SUGCT: variants seen among roughly 807,000 people sequenced by gnomAD.
The protein encoded by SUGCT is succinyl-CoA:glutarate-CoA transferase.
In SUGCT, 41 loss-of-function variants were observed where a neutral mutation model predicts 55.0. The observed-to-expected ratio is 0.74, with a 90% CI of 0.58 to 0.97. The LOEUF is 0.97. Ranked by LOEUF, SUGCT falls within the 50% of genes least tolerant of loss-of-function variation. The pLI is 0.00. For synonymous variants in SUGCT, 187 were observed against 200.4 expected, an observed-to-expected ratio of 0.93 and a Z score of 0.56; for missense variants, 568 against 547.8, an observed-to-expected ratio of 1.04 and a Z score of -0.37.
chr7:40,675,143 C>T (rs1201829411), intron 12 of SUGCT, among the ~76,000 whole-genome samples: 1 of 151,530 alleles, frequency 6.6e-6, no homozygotes, highest in African/African-American at 2.4e-5. Context: ...TCACTGCAAC[C>T]TCCGCCTCTT....
intron 9 of SUGCT, among the ~76,000 whole-genome samples, chr7:40,386,111 C>T (rs182689096): frequency 8.5e-4 from 130 of 152,262 alleles, no homozygotes; most frequent in Admixed American, 3.9e-3. Context: ...TGTACTAGGA[C>T]ACAGATGCAA....
intron 12 of SUGCT, among the ~76,000 whole-genome samples, chr7:40,506,209 T>G (rs1344095605): frequency 6.6e-6 from 1 of 152,150 alleles, no homozygotes; most frequent in African/African-American, 2.4e-5. Context: ...TTTTCCACGT[T>G]TTTTTGATCT....
chr7:40,245,436 T>TATTA (rs1378144967), intron 7 of SUGCT, among the ~76,000 whole-genome samples: 1 of 75,446 alleles, frequency 1.3e-5, no homozygotes, highest in East Asian at 5.6e-4. Flanking sequence ...TTTTTTTTTT[T>TATTA]TTTTTTTTTT....
At chr7:40,893,783 GGGCATGGT>G in the SUGCT span, among the ~76,000 whole-genome samples, 1 of 152,146 alleles carries the variant, frequency 6.6e-6, no homozygotes, top group South Asian at 2.1e-4. Flanking sequence ...ACAAGAGGCT[GGGCATGGT>G]GGCTTACACC....
At chr7:40,618,937 C>T (rs1360582427) in intron 12 of SUGCT, among the ~76,000 whole-genome samples, 2 of 152,118 alleles carry the variant, frequency 1.3e-5, no homozygotes, top group African/African-American at 4.8e-5. Context: ...GATAGAGGAT[C>T]CTGTTGAACA....
At chr7:40,294,539 G>A (rs1562654185) in intron 8 of SUGCT, among the ~76,000 whole-genome samples, 1 of 152,044 alleles carries the variant, frequency 6.6e-6, no homozygotes. Flanking sequence ...GATGCGTTAT[G>A]ATGATGAAGA....
rs532370212 is a variant in SUGCT at position 40,303,939 on chromosome 7, T to TA, written c.721-12814dup. 3.4e-3 allele frequency among the ~76,000 whole-genome samples: 488 copies of TA among 144,816 alleles called. 1 individual carries two copies. The highest frequency in any genetic ancestry group is 5.8e-3 in the Non-Finnish European group (388 of 66,716). Reference sequence around the variant, plus strand: ...GGCAAAACCCCGTCTCTACTAAAAATAAAAAAATTAGCCAGAAATCGGCTA... The same window carrying TA: ...GGCAAAACCCCGTCTCTACTAAAAATAAAAAAAATTAGCCAGAAATCGGCTA... On this transcript the variant is annotated intron_variant, in intron 8 of 13. Coordinates refer to ENST00000335693, the MANE Select transcript of SUGCT (RefSeq NM_001193313.2).
chr7:40,620,482 A>G (rs1434818953), intron 12 of SUGCT, among the ~76,000 whole-genome samples: 1 of 151,508 alleles, frequency 6.6e-6, no homozygotes, highest in East Asian at 1.9e-4. Flanking sequence ...GCTCACTGCA[A>G]CCTCTGCCTC....
chr7:40,380,377 G>T (rs1784811925), intron 9 of SUGCT, among the ~76,000 whole-genome samples: 1 of 152,168 alleles, frequency 6.6e-6, no homozygotes, highest in South Asian at 2.1e-4. Context: ...TGAAAAAGTT[G>T]TTATTGACTA....
intron 12 of SUGCT, among the ~76,000 whole-genome samples, chr7:40,709,903 T>G (rs1785620718): frequency 6.6e-6 from 1 of 152,186 alleles, no homozygotes; most frequent in South Asian, 2.1e-4. Flanking sequence ...AATTCCCAGG[T>G]GCTGCTGCTG....
At chr7:40,171,254 G>C (rs1390123995) in intron 1 of SUGCT, among the ~76,000 whole-genome samples, 1 of 152,206 alleles carries the variant, frequency 6.6e-6, no homozygotes, top group East Asian at 1.9e-4. Context: ...GAAGAGCAAG[G>C]AGAAAAAGAT....
chr7:40,436,761 T>C (rs1172617943), intron 9 of SUGCT, among the ~76,000 whole-genome samples: 1 of 152,208 alleles, frequency 6.6e-6, no homozygotes, highest in Non-Finnish European at 1.5e-5. Context: ...GAAAAATCAA[T>C]ATGGTCCCTT....
chr7:40,764,212 T>C (rs1315340749), intron 13 of SUGCT, among the ~76,000 whole-genome samples: 2 of 152,234 alleles, frequency 1.3e-5, no homozygotes, highest in African/African-American at 4.8e-5. Flanking sequence ...ACAACTCAAA[T>C]TCCAACCATT....
At chr7:40,146,718 G>A (rs1159098500) in intron 1 of SUGCT, among the ~76,000 whole-genome samples, 1 of 152,214 alleles carries the variant, frequency 6.6e-6, no homozygotes, top group East Asian at 1.9e-4. Flanking sequence ...ACCTTCCAGT[G>A]TGGGCATCAA....
chr7:40,690,557 T>G (rs1302585991), intron 12 of SUGCT, among the ~76,000 whole-genome samples: 3 of 152,188 alleles, frequency 2.0e-5, no homozygotes, highest in African/African-American at 7.2e-5. Flanking sequence ...TATAGAGAGA[T>G]CAATTCATCC....
the SUGCT span, among the ~76,000 whole-genome samples, chr7:40,968,546 C>G: frequency 2.0e-5 from 3 of 152,232 alleles, no homozygotes; most frequent in African/African-American, 2.4e-5. Flanking sequence ...AGTGCCCAAA[C>G]TGTGATCAGC....
Position 40,150,839 on chromosome 7 carries a change from G to A in SUGCT, c.100+15719G>A, listed in dbSNP as rs150075126. On this transcript the variant is annotated intron_variant, in intron 1 of 13. Transcript: ENST00000335693. ...ATGAATCGGCTCTATCTAGACAGTG[G>A]GCAAGGTGAAACCCTTGGGCAGTTA... Among the ~76,000 whole-genome samples, 311 of 152,258 alleles carry A rather than the reference G, an allele frequency of 2.0e-3. 1 individual carries two copies. Among genetic ancestry groups the A allele is most frequent in the African/African-American group, 6.9e-3 (287 of 41,546 alleles).
chr7:40,534,311 G>A (rs557034696), intron 12 of SUGCT, among the ~76,000 whole-genome samples: 154 of 152,238 alleles, frequency 1.0e-3, no homozygotes, highest in Non-Finnish European at 1.9e-3. Flanking sequence ...TGTTCAGTAA[G>A]AATTTGCTTT....
At chr7:40,374,224 GA>G (rs1427026947) in intron 9 of SUGCT, among the ~76,000 whole-genome samples, 1 of 152,086 alleles carries the variant, frequency 6.6e-6, no homozygotes, top group Non-Finnish European at 1.5e-5. Flanking sequence ...GAATGAAGAT[GA>G]AAAAAATCCA....
Sources: allele counts gnomAD v4.1 joint callset (sites outside exome capture counted in the v4.1 genomes callset), GRCh38; gene constraint gnomAD v4.1.1; transcripts MANE v1.5; gene names NCBI Gene and HGNC (gene_info 2026-07-23, HGNC 2026-07-21).